The following ATAD2B variants were observed in gnomAD, a reference collection of about 807,000 sequenced individuals.
ATAD2B encodes the protein ATPase family AAA domain containing 2B, also known as ATPase family AAA domain-containing protein 2B.
In ATAD2B, 40 loss-of-function variants were observed where a neutral mutation model predicts 167.6. That is an observed-to-expected ratio of 0.24 (90% confidence interval 0.19 to 0.31). ATAD2B has a LOEUF of 0.31. Ranked by LOEUF, ATAD2B falls within the 10% of genes least tolerant of loss-of-function variation. ATAD2B has a pLI of 1.00. For missense variants in ATAD2B, 1,242 were observed against 1,757.2 expected (o/e 0.71, Z 5.24); for synonymous variants, 579 against 596.5 (o/e 0.97, Z 0.43).
At chr2:23,827,162 A>G (rs956939193) in intron 15 of ATAD2B, among the ~76,000 whole-genome samples, 6 of 152,080 alleles carry the variant, frequency 3.9e-5, no homozygotes, top group Non-Finnish European at 7.4e-5. Context: ...ATTATAATGG[A>G]TTTTTATGTC....
At chr2:23,837,601 A>G (rs956221328) in intron 13 of ATAD2B, among the ~76,000 whole-genome samples, 9 of 152,208 alleles carry the variant, frequency 5.9e-5, no homozygotes, top group East Asian at 1.9e-4. Flanking sequence ...CACCTCCCCA[A>G]TACAGCAGGC....
intron 22 of ATAD2B, among the ~76,000 whole-genome samples, chr2:23,776,844 C>T (rs1679216753): frequency 6.6e-6 from 1 of 152,118 alleles, no homozygotes. Context: ...TATTTATCAT[C>T]TCTAAAAATT....
At chr2:23,678,125 T>A in the ATAD2B span, among the ~76,000 whole-genome samples, 1 of 152,200 alleles carries the variant, frequency 6.6e-6, no homozygotes, top group Admixed American at 6.5e-5. Flanking sequence ...ATAACTTGTG[T>A]CGTTTGGTGA....
At chr2:23,897,294 C>T (rs1010303698) in intron 1 of ATAD2B, among the ~76,000 whole-genome samples, 1 of 152,190 alleles carries the variant, frequency 6.6e-6, no homozygotes, top group Non-Finnish European at 1.5e-5. Flanking sequence ...TAACCCTCAT[C>T]ACTTGGTCAA....
In ATAD2B at chr2:23,749,867, TC is replaced by T. The variant is rs1174853774; in HGVS notation, c.*2178del. On this transcript the variant is annotated 3_prime_UTR_variant, in exon 28 of 28. Transcript: ENST00000238789. Reference sequence around the variant, plus strand: ...ACTAAGAAACATGTGCATTTTTTTTTCCTTTCACAAGTGCTGCTGTTACTTG... The same window carrying T: ...ACTAAGAAACATGTGCATTTTTTTTTCTTTCACAAGTGCTGCTGTTACTTG... 1 of 152,084 alleles carries T rather than the reference TC, an allele frequency of 6.6e-6. No individual in the cohort carries two copies. The highest frequency in any genetic ancestry group is 1.5e-5 in the Non-Finnish European group (1 of 67,984). The allele number at this position is 152,084 out of a possible 1,614,324, so 9.4% of individuals were successfully genotyped here.
intron 13 of ATAD2B, among the ~76,000 whole-genome samples, chr2:23,845,781 T>C (rs1478875800): frequency 6.6e-6 from 1 of 150,408 alleles, no homozygotes; most frequent in Admixed American, 6.6e-5. Flanking sequence ...GGTTTCACTA[T>C]GTTGGCCAGG....
intron 2 of ATAD2B, among the ~76,000 whole-genome samples, chr2:23,891,596 A>G (rs1699495480): frequency 6.6e-6 from 1 of 151,740 alleles, no homozygotes; most frequent in South Asian, 2.1e-4. Flanking sequence ...CCTGGATTCA[A>G]GCAATTCTCA....
chr2:23,832,721 T>C (rs989989879), intron 14 of ATAD2B: 7 of 152,630 alleles, frequency 4.6e-5, no homozygotes, highest in African/African-American at 1.4e-4. Context: ...GATTGGCATA[T>C]AGACTCTGAG....
At chr2:23,906,354 A>C (rs540166650) in intron 1 of ATAD2B, among the ~76,000 whole-genome samples, 14 of 152,120 alleles carry the variant, frequency 9.2e-5, no homozygotes, top group Non-Finnish European at 2.1e-4. Flanking sequence ...AAAAAAAGAA[A>C]GGTCATTTTC....
chr2:23,773,788 T>C (rs1052055194), intron 22 of ATAD2B, among the ~76,000 whole-genome samples: 1 of 152,192 alleles, frequency 6.6e-6, no homozygotes, highest in Admixed American at 6.5e-5. Context: ...ATCCATTCAG[T>C]TGTGCCATAT....
intron 13 of ATAD2B, among the ~76,000 whole-genome samples, chr2:23,844,262 C>T (rs997531582): frequency 5.9e-5 from 9 of 151,796 alleles, no homozygotes; most frequent in African/African-American, 2.2e-4. Context: ...AAGCAAGATT[C>T]CAAAGAATCA....
At chr2:23,829,018 C>T (rs763474227) in intron 14 of ATAD2B, 79 bp from the exon 15 acceptor site, 6 of 922,454 alleles carry the variant, frequency 6.5e-6, no homozygotes, top group East Asian at 2.5e-5. Flanking sequence ...CCCTCAAATA[C>T]GTTAGGTGGA....
chr2:23,695,996 G>A, the ATAD2B span: 2 of 1,551,668 alleles, frequency 1.3e-6, no homozygotes, highest in Non-Finnish European at 1.7e-6. This position sits in a 1 kb window ranked among gnomAD's most constrained non-coding sequence, Gnocchi z 7.6. Context: ...CAGATGGTGG[G>A]GATGACCCAG....
At chr2:23,832,837 T>C (rs1689283521) in intron 14 of ATAD2B, among the ~76,000 whole-genome samples, 1 of 152,202 alleles carries the variant, frequency 6.6e-6, no homozygotes, top group South Asian at 2.1e-4. Context: ...CTGAAGAGTA[T>C]AAAAGCTGTG....
At chr2:23,829,468 A>G (rs1319886011) in intron 14 of ATAD2B, among the ~76,000 whole-genome samples, 1 of 152,228 alleles carries the variant, frequency 6.6e-6, no homozygotes, top group East Asian at 1.9e-4. Context: ...AATATCATGC[A>G]TGCCAGTTGT....
chr2:23,727,114 A>T, the ATAD2B span, among the ~76,000 whole-genome samples: 1 of 152,294 alleles, frequency 6.6e-6, no homozygotes, highest in African/African-American at 2.4e-5. Context: ...TATATAAGTT[A>T]AAAAGTAAAA....
At chr2:23,871,762 T>C (rs1696007886) in intron 8 of ATAD2B, among the ~76,000 whole-genome samples, 1 of 152,170 alleles carries the variant, frequency 6.6e-6, no homozygotes, top group Non-Finnish European at 1.5e-5. Context: ...AACCCAGATT[T>C]TCTCAACTTC....
At chr2:23,727,429 A>G in the ATAD2B span, among the ~76,000 whole-genome samples, 1 of 152,236 alleles carries the variant, frequency 6.6e-6, no homozygotes, top group African/African-American at 2.4e-5. Context: ...CTAACTGCTG[A>G]CAAACTGTGG....
chr2:23,714,309 G>A, the ATAD2B span, among the ~76,000 whole-genome samples: 8 of 148,532 alleles, frequency 5.4e-5, no homozygotes, highest in Non-Finnish European at 8.9e-5. Flanking sequence ...GCGCGATCTC[G>A]GCTCACTGCA....
Sources: gnomAD v4.1 joint callset for allele counts (sites outside exome capture counted in the v4.1 genomes callset) on GRCh38, gnomAD v4.1.1 for gene constraint, Gnocchi (gnomAD v3.1) non-coding constraint, MANE v1.5 for transcripts, NCBI Gene and HGNC (gene_info 2026-07-23, HGNC 2026-07-21) for gene names.